The following MELK variants were observed in gnomAD, a reference collection of about 807,000 sequenced individuals.
MELK encodes maternal embryonic leucine zipper kinase.
Under a neutral mutation model 85.0 loss-of-function variants are expected in MELK, and 81 were observed. The ratio of observed to expected loss-of-function variants is 0.95; its 90% CI spans 0.80 to 1.15. The LOEUF (loss-of-function observed/expected upper bound fraction) is 1.15. MELK is among the 50% of genes most tolerant of loss of function. MELK has a pLI of 0.00. For missense variants in MELK, 754 were observed against 777.5 expected, an observed-to-expected ratio of 0.97 and a Z score of 0.36; for synonymous variants, 252 against 265.0, an observed-to-expected ratio of 0.95 and a Z score of 0.48.
At chr9:36,655,019 C>T (rs1831092563) in intron 12 of MELK, among the ~76,000 whole-genome samples, 1 of 152,074 alleles carries the variant, frequency 6.6e-6, no homozygotes, top group Admixed American at 6.6e-5. Flanking sequence ...ATCGATCAAT[C>T]AATCAATAGG....
intron 10 of MELK, among the ~76,000 whole-genome samples, chr9:36,639,265 G>A (rs1264530983): frequency 6.6e-6 from 1 of 152,180 alleles, no homozygotes; most frequent in Non-Finnish European, 1.5e-5. Flanking sequence ...TTGCAGAGCT[G>A]TTACAGGATC....
chr9:36,584,993 G>A (rs1185663369), intron 3 of MELK, among the ~76,000 whole-genome samples: 1 of 152,110 alleles, frequency 6.6e-6, no homozygotes, highest in Non-Finnish European at 1.5e-5. Context: ...TACAGGGTAT[G>A]TAGGGGTGAG....
chr9:36,630,122 G>A, intron 8 of MELK, 177 bp from the exon 9 acceptor site: 2 of 614,730 alleles, frequency 3.3e-6, no homozygotes, highest in Non-Finnish European at 5.8e-6. Flanking sequence ...TGGGACTTCA[G>A]GTGTGAGCCA....
chr9:36,672,446 ATGTT>A (rs1832970632), intron 16 of MELK, among the ~76,000 whole-genome samples: 1 of 152,226 alleles, frequency 6.6e-6, no homozygotes, highest in Non-Finnish European at 1.5e-5. Flanking sequence ...CTAACGGATA[ATGTT>A]CTAAAAATGG....
intron 13 of MELK, among the ~76,000 whole-genome samples, chr9:36,658,715 G>A (rs1320630341): frequency 1.6e-5 from 1 of 62,374 alleles, no homozygotes; most frequent in Non-Finnish European, 3.1e-5. Flanking sequence ...TTTGTTTTTT[G>A]TTTGAGACAG....
chr9:36,593,257 T>A (rs1438331501), intron 4 of MELK, among the ~76,000 whole-genome samples: 1 of 151,826 alleles, frequency 6.6e-6, no homozygotes. Context: ...TAGGTCTGAA[T>A]GCTGTTATTC....
chr9:36,637,714 T>A (rs1344355330), intron 10 of MELK, among the ~76,000 whole-genome samples: 1 of 152,126 alleles, frequency 6.6e-6, no homozygotes, highest in Non-Finnish European at 1.5e-5. Flanking sequence ...AATGTAAATA[T>A]CCTTCCCAGT....
In MELK at chr9:36,657,250, T is replaced by C; in HGVS notation, c.1063T>C (p.Trp355Arg). Residue 355 changes from tryptophan to arginine, a missense_variant, in exon 13 of 18, where the codon TGG becomes CGG. By Grantham distance (101) the Trp-to-Arg change is moderately radical. Transcript: ENST00000298048. ...TPFTDIKSNNWSLEDVTASDK... is the reference protein window; with the variant it reads ...TPFTDIKSNNRSLEDVTASDK... ...GTCTTTCATTGAGTAGTCAAATAAT[T>C]GGAGTCTGGAAGATGTGACCGCAAG... is the stretch of plus-strand genomic sequence containing the variant. 1 of 1,611,154 alleles carries C rather than the reference T, an allele frequency of 6.2e-7. No individual in the cohort carries two copies.
intron 11 of MELK, 74 bp from the exon 12 acceptor site, chr9:36,651,672 A>G: frequency 6.5e-7 from 1 of 1,533,892 alleles, no homozygotes; most frequent in Non-Finnish European, 8.8e-7. Context: ...CTGAAGAAAA[A>G]AATTAATTAA....
At chr9:36,666,123 A>T (rs527435352) in intron 14 of MELK, among the ~76,000 whole-genome samples, 1 of 152,332 alleles carries the variant, frequency 6.6e-6, no homozygotes, top group African/African-American at 2.4e-5. Flanking sequence ...TTGTCCAGTT[A>T]TCACAACTTC....
rs1401453746 is a variant in MELK, at chr9:36,581,597, G to A, written c.-38-47G>A. 10 of 924,010 alleles carry A rather than the reference G, an allele frequency of 1.1e-5. No individual in the cohort carries two copies. In the East Asian group the frequency reaches 2.2e-4, roughly 21 times the overall value. 57.2% of individuals were successfully genotyped at this position (924,010 alleles called of 1,614,324 possible). ...TTGCAGTTACAAGAATGGAGGAGAT[G>A]ATCCGGTATTATTTCCTTTATTGAT... On this transcript the variant is annotated intron_variant, in intron 1 of 17. Coordinates refer to ENST00000298048, the MANE Select transcript of MELK (RefSeq NM_014791.4).
chr9:36,677,421 G>A lies in MELK; in HGVS notation c.*84G>A. The A allele has an allele frequency of 7.7e-7, 1 of 1,294,258 alleles. No homozygotes were observed. The highest frequency in any genetic ancestry group is 1.0e-6 in the Non-Finnish European group (1 of 976,056). The allele number at this position is 1,294,258 out of a possible 1,614,324, so 80.2% of individuals were successfully genotyped here. A position where few individuals can be genotyped will look rare whatever the true frequency, so the allele number is the denominator to read the frequency against. On this transcript the variant is annotated 3_prime_UTR_variant, in exon 18 of 18. Transcript: ENST00000298048. ...CTGTTATGATCGCTTTGATTTTAAA[G>A]TTCATTGGAACTACCAACTTGTTTC...
intron 11 of MELK, among the ~76,000 whole-genome samples, chr9:36,650,123 T>A (rs981160829): frequency 4.6e-5 from 7 of 151,802 alleles, no homozygotes; most frequent in African/African-American, 1.7e-4. Context: ...TTTTGTATTT[T>A]TAGTAGAGAT....
At chr9:36,655,091 A>G (rs1831101705) in intron 12 of MELK, among the ~76,000 whole-genome samples, 1 of 152,244 alleles carries the variant, frequency 6.6e-6, no homozygotes, top group Non-Finnish European at 1.5e-5. Context: ...CCACGTCATC[A>G]TCATCAGTGT....
rs548694259 is a variant in MELK at position 36,673,954 on chromosome 9, T to C, written c.1675-880T>C. Among the ~76,000 whole-genome samples the C allele has an allele frequency of 6.8e-4, 103 of 152,282 alleles. No homozygotes were observed. In the South Asian group the frequency reaches 9.1e-3, roughly 13 times the overall value. ...GTGCCACCCAGAATTACCTTGTCTA[T>C]CTTGTATCACACTATGAGAAGCACT... On this transcript the variant is annotated intron_variant, in intron 16 of 17. Transcript: ENST00000298048.
In MELK at chr9:36,577,791, A is replaced by T. The variant is rs1257750853; in HGVS notation, c.-38-3853A>T. Among the ~76,000 whole-genome samples, 37 of 151,950 alleles carry T rather than the reference A, an allele frequency of 2.4e-4. 2 individuals carry two copies. Among genetic ancestry groups the T allele is most frequent in the Admixed American group, 2.4e-3 (37 of 15,248 alleles). On this transcript the variant is annotated intron_variant, in intron 1 of 17. Coordinates refer to ENST00000298048, the MANE Select transcript of MELK (RefSeq NM_014791.4). ...CTCAGCCTCCCTAGTAGCTGGGATT[A>T]CAGGCATGGGCCACCACGCCTGGCT...
chr9:36,604,481 T>G (rs1255418079), intron 7 of MELK, among the ~76,000 whole-genome samples: 3 of 151,620 alleles, frequency 2.0e-5, no homozygotes, highest in Admixed American at 6.6e-5. Context: ...ATATTTTTAG[T>G]AGAGACAGGG....
chr9:36,677,111 A>G (rs750137827), intron 17 of MELK, 49 bp from the exon 18 acceptor site: 3 of 1,532,792 alleles, frequency 2.0e-6, no homozygotes, highest in East Asian at 4.5e-5. Flanking sequence ...AAACTCTTAT[A>G]CAGAATATGG....
intron 13 of MELK, among the ~76,000 whole-genome samples, chr9:36,659,168 A>C (rs979008450): frequency 6.6e-6 from 1 of 152,090 alleles, no homozygotes; most frequent in East Asian, 1.9e-4. Context: ...GGCTTGAGCC[A>C]CTGCACCTGG....
Sources: allele counts gnomAD v4.1 joint callset (sites outside exome capture counted in the v4.1 genomes callset), GRCh38; gene constraint gnomAD v4.1.1; transcripts MANE v1.5; gene names NCBI Gene and HGNC (gene_info 2026-07-23, HGNC 2026-07-21).